Variants in VPS37B observed in about 807,000 individuals in gnomAD.
VPS37B encodes vacuolar protein sorting-associated protein 37B.
Under a neutral mutation model 21.2 loss-of-function variants are expected in VPS37B, and 11 were observed. The ratio of observed to expected loss-of-function variants is 0.52; its 90% CI spans 0.33 to 0.86. The LOEUF (loss-of-function observed/expected upper bound fraction) is 0.86. Among genes scored for constraint, VPS37B ranks in the 40% least tolerant of loss-of-function variants. The probability of loss-of-function intolerance (pLI) is 0.03; values close to 1 mark genes in which losing one functional copy is unlikely to be tolerated. For synonymous variants in VPS37B, 175 were observed against 159.6 expected (o/e 1.10, Z -0.73); for missense variants, 389 against 374.8 (o/e 1.04, Z -0.31).
At chr12:122,880,729 C>A (rs1183652516) in intron 1 of VPS37B, 1 of 152,146 alleles carries the variant, frequency 6.6e-6, no homozygotes. Context: ...TCCCAAGCTT[C>A]CATTTCTACA....
chr12:122,884,261 C>G (rs1161748398), intron 1 of VPS37B: 2 of 152,188 alleles, frequency 1.3e-5, no homozygotes, highest in East Asian at 3.8e-4. Flanking sequence ...CAATAGGCCA[C>G]GCCTTTTCCT....
intron 1 of VPS37B, chr12:122,890,065 G>A (rs2034391000): frequency 1.3e-5 from 2 of 152,194 alleles, no homozygotes; most frequent in African/African-American, 4.8e-5. Flanking sequence ...AGAGCACAAG[G>A]CGGGGGGTTC....
chr12:122,880,961 G>A (rs1008687180), intron 1 of VPS37B: 1 of 152,156 alleles, frequency 6.6e-6, no homozygotes, highest in Non-Finnish European at 1.5e-5. Context: ...CATTCACTTC[G>A]TACTGCAGCA....
chr12:122,867,240 G>T lies in VPS37B; in HGVS notation c.734C>A (p.Pro245His), dbSNP rs775709460. Residue 245 changes from proline to histidine, a missense_variant, in exon 4 of 4, where the codon CCC (proline) becomes CAC (histidine). Transcript: ENST00000267202. The surrounding 1 kb of genome is among the most constrained non-coding windows in gnomAD (Gnocchi z 5.5). ...TTGCTGAGTGGGGAGGCCCACGCGG[G>T]GGGGCAGGGGCGGGCACTGTAATCC... is the stretch of plus-strand genomic sequence containing the variant. Reference protein sequence around the residue: ...YPGLQCPPLPPRVGLPTQQGF... With the variant: ...YPGLQCPPLPHRVGLPTQQGF... 14 of 1,570,416 alleles carry T rather than the reference G, an allele frequency of 8.9e-6. No homozygotes were observed. The highest frequency in any genetic ancestry group is 1.2e-5 in the Non-Finnish European group (14 of 1,162,154).
chr12:122,871,272 G>A (rs547364822), intron 1 of VPS37B: 25 of 1,337,234 alleles, frequency 1.9e-5, no homozygotes, highest in East Asian at 5.7e-5. Flanking sequence ...GAATGAGGCC[G>A]ACTTCCTTCC....
intron 1 of VPS37B, chr12:122,883,893 C>G (rs1164832951): frequency 6.6e-6 from 1 of 152,228 alleles, no homozygotes; most frequent in African/African-American, 2.4e-5. Context: ...GTCAATGGTT[C>G]TGATAACTGG....
chr12:122,867,082 G>A lies in VPS37B; in HGVS notation c.*34C>T, dbSNP rs1356497483. ...GTGAGCAGAGCACAACACGCCAGGT[G>A]GAAGAAGTCTCCCGGGAAGGACCGC... is the stretch of plus-strand genomic sequence containing the variant. On this transcript the variant is annotated 3_prime_UTR_variant, in exon 4 of 4. Coordinates refer to ENST00000267202, the MANE Select transcript of VPS37B (RefSeq NM_024667.3). This position sits in a 1 kb window ranked among gnomAD's most constrained non-coding sequence, Gnocchi z 5.5. 3 of 1,491,824 alleles carry A rather than the reference G, an allele frequency of 2.0e-6. No homozygotes were observed. Among genetic ancestry groups the A allele is most frequent in the Non-Finnish European group, 2.7e-6 (3 of 1,124,554 alleles). The allele number at this position is 1,491,824 out of a possible 1,614,324, so 92.4% of individuals were successfully genotyped here.
At chr12:122,875,811 A>G (rs2034138668) in intron 1 of VPS37B, 1 of 151,630 alleles carries the variant, frequency 6.6e-6, no homozygotes, top group Non-Finnish European at 1.5e-5. Flanking sequence ...TAAATCTGAG[A>G]ATGCTTAGAG....
intron 1 of VPS37B, among the ~76,000 whole-genome samples, chr12:122,894,254 T>C (rs1272739970): frequency 6.6e-6 from 1 of 152,214 alleles, no homozygotes; most frequent in East Asian, 1.9e-4. Context: ...TATCACTTAT[T>C]ATTCTCCAAA....
chr12:122,882,966 T>G (rs2034268517), intron 1 of VPS37B: 2 of 152,236 alleles, frequency 1.3e-5, no homozygotes, highest in Non-Finnish European at 2.9e-5. Flanking sequence ...GTTGGACTAT[T>G]AACATGTTGA....
At chr12:122,872,848 T>C (rs1452568062) in intron 1 of VPS37B, 2 of 289,380 alleles carry the variant, frequency 6.9e-6, no homozygotes, top group Non-Finnish European at 1.0e-5. Flanking sequence ...GCAACATTTA[T>C]TTGTAACAAC....
intron 1 of VPS37B, chr12:122,872,156 C>T (rs2135700212): frequency 2.0e-6 from 2 of 985,568 alleles, no homozygotes; most frequent in Non-Finnish European, 2.4e-6. Flanking sequence ...TGCTCCCCAC[C>T]CCCAGTCATA....
In VPS37B at chr12:122,868,407, G is replaced by C. The variant is rs979986622; in HGVS notation, c.366+73C>G. ...CTGGCCGTGGCGGTGTGGCACTCAC[G>C]GTCCCTGGAGGCAGCGGGCCCACGG... On this transcript the variant is annotated intron_variant, in intron 3 of 3. Coordinates refer to ENST00000267202, the MANE Select transcript of VPS37B (RefSeq NM_024667.3). The surrounding 1 kb of genome is among the most constrained non-coding windows in gnomAD (Gnocchi z 5.5). 1 of 1,404,094 alleles carries C rather than the reference G, an allele frequency of 7.1e-7. No homozygotes were observed. Among genetic ancestry groups the C allele is most frequent in the Admixed American group, 1.9e-5 (1 of 52,494 alleles). The allele number at this position is 1,404,094 out of a possible 1,614,324, so 87.0% of individuals were successfully genotyped here.
intron 1 of VPS37B, chr12:122,876,923 T>TG (rs2034161134): frequency 6.6e-6 from 1 of 152,244 alleles, no homozygotes; most frequent in Admixed American, 6.5e-5. Context: ...TGGCCAATGC[T>TG]GGGTCAAGGG....
chr12:122,872,792 A>G, intron 1 of VPS37B: 1 of 727,314 alleles, frequency 1.4e-6, no homozygotes, highest in African/African-American at 1.9e-5. Flanking sequence ...TATATCAGAG[A>G]AATGAAAACT....
intron 1 of VPS37B, chr12:122,881,107 T>C (rs1780746661): frequency 6.6e-6 from 1 of 152,270 alleles, no homozygotes; most frequent in Non-Finnish European, 1.5e-5. Flanking sequence ...ACTTTGCTCT[T>C]GTCAGTATCT....
chr12:122,875,428 G>T (rs751910739), intron 1 of VPS37B: 4 of 151,902 alleles, frequency 2.6e-5, no homozygotes, highest in African/African-American at 7.3e-5. Context: ...CATCCTGCAG[G>T]ATAATGGCAG....
Sources: allele counts gnomAD v4.1 joint callset (sites outside exome capture counted in the v4.1 genomes callset), GRCh38; gene constraint gnomAD v4.1.1; non-coding constraint Gnocchi (gnomAD v3.1); transcripts MANE v1.5; gene names NCBI Gene and HGNC (gene_info 2026-07-23, HGNC 2026-07-21).